ALKBH3: variants seen among roughly 807,000 people sequenced by gnomAD.
The protein encoded by ALKBH3 is alkB homolog 3, alpha-ketoglutarate dependent dioxygenase, also known as alpha-ketoglutarate-dependent dioxygenase alkB homolog 3.
A neutral mutation model predicts 43.9 loss-of-function variants in ALKBH3; 51 were observed. The observed-to-expected ratio is 1.16, with a 90% confidence interval of 0.93 to 1.47. The LOEUF is 1.47. Ranked by LOEUF, ALKBH3 falls within the 40% of genes most tolerant of loss-of-function variation. The pLI is 0.00. For missense variants in ALKBH3, 361 were observed against 351.9 expected (o/e 1.03, Z -0.21); for synonymous variants, 102 against 115.2 (o/e 0.89, Z 0.73).
chr11:43,896,255 C>T (rs1175702346), intron 7 of ALKBH3, among the ~76,000 whole-genome samples: 1 of 146,310 alleles, frequency 6.8e-6, no homozygotes, highest in Non-Finnish European at 1.5e-5. Context: ...AGGGACAGAA[C>T]TAATAGGATA....
chr11:43,901,661 C>T lies in ALKBH3; in HGVS notation c.605C>T (p.Pro202Leu). 6.2e-7 allele frequency: 1 copy of T among 1,614,206 alleles called. No individual in the cohort carries two copies. Among genetic ancestry groups the T allele is most frequent in the Non-Finnish European group, 8.5e-7 (1 of 1,180,036 alleles). The part of the protein sequence containing the change: ...SDDEPSLGRC[P>L]IIASLSFGAT... ...GATGAACCCTCACTAGGGAGGTGCCCCATTATTGCTTCACTAAGTTTTGGT... is the reference window on the plus strand; with the variant it reads ...GATGAACCCTCACTAGGGAGGTGCCTCATTATTGCTTCACTAAGTTTTGGT... Residue 202 changes from proline (P) to leucine (L), a missense_variant, in exon 8 of 10, where the codon CCC becomes CTC. Pro to Leu is a moderately conservative substitution (Grantham distance 98). Coordinates refer to ENST00000302708, the MANE Select transcript of ALKBH3 (RefSeq NM_139178.4).
At chr11:43,898,261 G>A in intron 7 of ALKBH3, 1 of 787,198 alleles carries the variant, frequency 1.3e-6, no homozygotes, top group South Asian at 1.5e-5. Flanking sequence ...TCCAAAAGAT[G>A]AGCATATTCT....
chr11:43,889,783 C>T lies in ALKBH3; in HGVS notation c.325C>T (p.Leu109Phe), dbSNP rs1237210309. The stretch of plus-strand genomic sequence containing the variant: ...AGAAGCTGACTGGATATTGGAACAG[C>T]TTTGTCAAGATGTTCCCTGGAAACA... ...VKEADWILEQ[L>F]CQDVPWKQRT... is the part of the protein sequence containing the mutation. Residue 109 changes from leucine to phenylalanine, a missense_variant, in exon 6 of 10, where the codon CTT becomes TTT. Coordinates refer to ENST00000302708, the MANE Select transcript of ALKBH3 (RefSeq NM_139178.4). 1 of 1,614,056 alleles carries T rather than the reference C, an allele frequency of 6.2e-7. No homozygotes were observed. The highest frequency in any genetic ancestry group is 1.7e-5 in the Admixed American group (1 of 60,020).
chr11:43,900,805 TG>T (rs1951858158), intron 7 of ALKBH3, among the ~76,000 whole-genome samples: 1 of 152,296 alleles, frequency 6.6e-6, no homozygotes, highest in East Asian at 1.9e-4. Flanking sequence ...GTAATATACA[TG>T]GCAAGACAGT....
chr11:43,905,822 G>C (rs1002447483), intron 8 of ALKBH3, among the ~76,000 whole-genome samples: 22 of 152,122 alleles, frequency 1.4e-4, no homozygotes, highest in African/African-American at 5.3e-4. Context: ...GCAAAGATTA[G>C]TCTGGTTCTT....
intron 8 of ALKBH3, among the ~76,000 whole-genome samples, chr11:43,905,126 TC>T (rs1161898934): frequency 6.6e-6 from 1 of 152,212 alleles, no homozygotes; most frequent in African/African-American, 2.4e-5. Flanking sequence ...CAGAAAAGCG[TC>T]TGTTTTGGGC....
In ALKBH3 at chr11:43,899,386, G is replaced by A. The variant is rs189445010; in HGVS notation, c.460-2130G>A. On this transcript the variant is annotated intron_variant, in intron 7 of 9. Transcript: ENST00000302708. The stretch of plus-strand genomic sequence containing the variant: ...TGCCCCAGGTGGATGATGTGCTCGC[G>A]TCCCTGCAGATCTCTTCGCACAACT... The A allele has an allele frequency of 3.1e-4, 218 of 703,300 alleles. No homozygotes were observed. The African/African-American group carries it at 3.3e-3, about 11-fold the overall frequency. 43.6% of individuals were successfully genotyped at this position (703,300 alleles called of 1,614,324 possible).
intron 2 of ALKBH3, 137 bp downstream of exon 2, chr11:43,882,868 G>T (rs929839026): frequency 2.8e-6 from 3 of 1,084,084 alleles, no homozygotes; most frequent in Non-Finnish European, 3.9e-6. Context: ...CTGATATTTT[G>T]TCCGATTTTG....
chr11:43,900,584 A>G (rs1352085383), intron 7 of ALKBH3, among the ~76,000 whole-genome samples: 1 of 152,214 alleles, frequency 6.6e-6, no homozygotes, highest in African/African-American at 2.4e-5. Context: ...AATTTTAAAT[A>G]TCATAAAAAC....
At chr11:43,901,478 G>A in intron 7 of ALKBH3, 38 bp from the exon 8 acceptor site, 2 of 1,607,220 alleles carry the variant, frequency 1.2e-6, no homozygotes, top group Non-Finnish European at 1.7e-6. Context: ...TGTGTGTAAT[G>A]CGACTGTCTT....
chr11:43,897,969 T>C (rs983963296), intron 7 of ALKBH3: 8 of 790,154 alleles, frequency 1.0e-5, no homozygotes, highest in African/African-American at 5.1e-5. Context: ...TTGTGCCCCA[T>C]TGGACTCCAC....
chr11:43,905,127 C>T (rs11037729), intron 8 of ALKBH3, among the ~76,000 whole-genome samples: 36,071 of 152,146 alleles, frequency 0.24, 4,782 homozygotes, highest in Admixed American at 0.4. Flanking sequence ...AGAAAAGCGT[C>T]TGTTTTGGGC....
In ALKBH3 at chr11:43,920,119, A is replaced by T. The variant is rs1952015352; in HGVS notation, c.*109A>T. Reference sequence around the variant, plus strand: ...ATCTCATGATGTGGCTGTTGGGAAGATGGTGGGGTTTGTTTGCCAGCTTGG... The same window carrying T: ...ATCTCATGATGTGGCTGTTGGGAAGTTGGTGGGGTTTGTTTGCCAGCTTGG... On this transcript the variant is annotated 3_prime_UTR_variant, in exon 10 of 10. Coordinates refer to ENST00000302708, the MANE Select transcript of ALKBH3 (RefSeq NM_139178.4). 1 of 1,081,338 alleles carries T rather than the reference A, an allele frequency of 9.2e-7. No individual in the cohort carries two copies. The highest frequency in any genetic ancestry group is 1.4e-6 in the Non-Finnish European group (1 of 732,432). The allele number at this position is 1,081,338 out of a possible 1,614,324, so 67.0% of individuals were successfully genotyped here.
At chr11:43,901,803 CTT>C (rs1951866028) in intron 8 of ALKBH3, 78 bp downstream of exon 8, 52 of 1,507,232 alleles carry the variant, frequency 3.5e-5, no homozygotes, top group Non-Finnish European at 4.6e-5. Context: ...AAAGCTTCTA[CTT>C]TCAGATTTCG....
chr11:43,919,785 A>G (rs942325566), intron 9 of ALKBH3, 133 bp from the exon 10 acceptor site: 1 of 837,786 alleles, frequency 1.2e-6, no homozygotes, highest in African/African-American at 1.7e-5. Context: ...ACAAGACTTC[A>G]AAGAGCTTAC....
Position 43,919,027 on chromosome 11 carries a change from C to A in ALKBH3, c.670-11C>A, listed in dbSNP as rs1475178480. The A allele has an allele frequency of 1.3e-6, 2 of 1,586,110 alleles. No homozygotes were observed. Among genetic ancestry groups the A allele is most frequent in the East Asian group, 2.2e-5 (1 of 44,750 alleles). ...GGCAAAACATTTATTACAACAAATG[C>A]TGTTTTCTAGGAAGAGAATGGAGAC... On this transcript the variant is annotated splice_polypyrimidine_tract_variant and intron_variant, in intron 8 of 9. Coordinates refer to ENST00000302708, the MANE Select transcript of ALKBH3 (RefSeq NM_139178.4).
intron 8 of ALKBH3, among the ~76,000 whole-genome samples, chr11:43,918,129 G>A (rs1227577237): frequency 6.6e-6 from 1 of 152,208 alleles, no homozygotes; most frequent in East Asian, 1.9e-4. Flanking sequence ...CAGAATGGAG[G>A]TGAAGAAATC....
intron 6 of ALKBH3, among the ~76,000 whole-genome samples, chr11:43,890,814 A>G (rs1445098097): frequency 1.3e-5 from 2 of 152,154 alleles, no homozygotes; most frequent in African/African-American, 2.4e-5. Context: ...CAGTGAGCCG[A>G]GATCGCGCCA....
Position 43,889,776 on chromosome 11 carries a change from G to C in ALKBH3, c.318G>C (p.Leu106Phe). ...FVDVKEADWI[L>F]EQLCQDVPWK... Reference sequence around the variant, plus strand: ...ACGTGAAAGAAGCTGACTGGATATTGGAACAGCTTTGTCAAGATGTTCCCT... The same window carrying C: ...ACGTGAAAGAAGCTGACTGGATATTCGAACAGCTTTGTCAAGATGTTCCCT... The change falls in exon 6 of 10, where the codon TTG becomes TTC. Residue 106 changes from leucine (L) to phenylalanine (F), a missense_variant. Coordinates refer to ENST00000302708, the MANE Select transcript of ALKBH3 (RefSeq NM_139178.4). 6.2e-7 allele frequency: 1 copy of C among 1,614,016 alleles called. No individual in the cohort carries two copies. The highest frequency in any genetic ancestry group is 1.1e-5 in the South Asian group (1 of 91,068).
Sources: allele counts gnomAD v4.1 joint callset (sites outside exome capture counted in the v4.1 genomes callset), GRCh38; gene constraint gnomAD v4.1.1; transcripts MANE v1.5; gene names NCBI Gene and HGNC (gene_info 2026-07-23, HGNC 2026-07-21).